The following ADK variants were observed in gnomAD, a reference collection of about 807,000 sequenced individuals.
ADK encodes adenosine kinase, also known as N6,N6-dimethyladenosine kinase.
A neutral mutation model predicts 44.7 loss-of-function variants in ADK; 24 were observed. That is an observed-to-expected ratio of 0.54 (90% CI 0.39 to 0.76). The LOEUF (loss-of-function observed/expected upper bound fraction) is 0.76, where lower values mean the gene tolerates loss of function less well. ADK is among the 30% of genes least tolerant of loss of function. The pLI, the probability that ADK is intolerant of heterozygous loss-of-function variation, is 0.00. For missense variants in ADK, 321 were observed against 425.1 expected (o/e 0.76, Z 2.15); for synonymous variants, 128 against 142.6 (o/e 0.90, Z 0.73).
At chr10:74,571,324 C>G (rs922708078) in intron 7 of ADK, among the ~76,000 whole-genome samples, 7 of 152,074 alleles carry the variant, frequency 4.6e-5, no homozygotes, top group Non-Finnish European at 1.0e-4. Context: ...GGGAGGATTC[C>G]CTCTTTTTCT....
chr10:74,590,200 C>A (rs976316069), intron 8 of ADK, among the ~76,000 whole-genome samples: 31 of 152,068 alleles, frequency 2.0e-4, no homozygotes, highest in African/African-American at 7.0e-4. Flanking sequence ...CTTACAGCAA[C>A]TTAAAGTGTT....
intron 6 of ADK, among the ~76,000 whole-genome samples, chr10:74,481,151 CT>C (rs1847058084): frequency 1.3e-5 from 2 of 152,140 alleles, no homozygotes; most frequent in Non-Finnish European, 2.9e-5. Flanking sequence ...TTACTTTGTC[CT>C]AGTAATGTTG....
intron 6 of ADK, among the ~76,000 whole-genome samples, chr10:74,438,070 T>A (rs1845246951): frequency 1.3e-5 from 2 of 152,146 alleles, no homozygotes; most frequent in Non-Finnish European, 2.9e-5. Context: ...CTTTCCCTGT[T>A]CCTCCATGAG....
At chr10:74,492,184 A>C (rs1847515212) in intron 6 of ADK, among the ~76,000 whole-genome samples, 1 of 152,198 alleles carries the variant, frequency 6.6e-6, no homozygotes, top group Non-Finnish European at 1.5e-5. Flanking sequence ...CAAAACAGGA[A>C]ATTAACATGG....
At chr10:74,572,254 C>T (rs1205747883) in intron 7 of ADK, among the ~76,000 whole-genome samples, 1 of 152,172 alleles carries the variant, frequency 6.6e-6, no homozygotes, top group Non-Finnish European at 1.5e-5. Flanking sequence ...ATTTCTCCTT[C>T]ACTTATGAAG....
intron 6 of ADK, among the ~76,000 whole-genome samples, chr10:74,491,199 A>G (rs979939103): frequency 3.3e-5 from 5 of 152,146 alleles, no homozygotes; most frequent in Non-Finnish European, 5.9e-5. Context: ...TAGGTGGAAG[A>G]TACTCAGTGA....
chr10:74,256,216 G>A lies in ADK; in HGVS notation c.194+31625G>A, dbSNP rs570772868. The stretch of plus-strand genomic sequence containing the variant: ...TTGTAAATTTTATTGAGTATTCAGA[G>A]TTGACAGAAAGGCAGTCAGGGATCA... On this transcript the variant is annotated intron_variant, in intron 3 of 10. Coordinates refer to ENST00000539909, the MANE Select transcript of ADK (RefSeq NM_006721.4). 5.8e-4 allele frequency among the ~76,000 whole-genome samples: 88 copies of A among 152,340 alleles called. No individual in the cohort carries two copies. In the Middle Eastern group the frequency reaches 0.017, roughly 29 times the overall value.
At chr10:74,668,022 GATTA>G (rs1216525958) in intron 9 of ADK, among the ~76,000 whole-genome samples, 3 of 152,074 alleles carry the variant, frequency 2.0e-5, no homozygotes, top group Non-Finnish European at 4.4e-5. Context: ...TAAGTCTAGT[GATTA>G]ATTCTTATAT....
chr10:74,227,651 C>A (rs887682338), intron 3 of ADK, among the ~76,000 whole-genome samples: 2 of 152,146 alleles, frequency 1.3e-5, no homozygotes. Context: ...CAAGACCAGC[C>A]TGGCCAAGAT....
intron 6 of ADK, among the ~76,000 whole-genome samples, chr10:74,476,586 T>C (rs993565038): frequency 6.6e-6 from 1 of 152,202 alleles, no homozygotes; most frequent in Admixed American, 6.5e-5. Context: ...TTTAGCACTA[T>C]AGTATGTAAA....
intron 9 of ADK, among the ~76,000 whole-genome samples, chr10:74,628,313 C>T (rs1461427968): frequency 6.6e-6 from 1 of 151,986 alleles, no homozygotes; most frequent in African/African-American, 2.4e-5. Context: ...TGAGTCATGC[C>T]AGTCACGATT....
chr10:74,703,873 AAG>A lies in ADK; in HGVS notation c.965-4445_965-4444del, dbSNP rs200911744. 4.7e-3 allele frequency among the ~76,000 whole-genome samples: 715 copies of A among 152,330 alleles called. 4 individuals are homozygous for A. Among genetic ancestry groups the A allele is most frequent in the African/African-American group, 0.017 (687 of 41,582 alleles). On this transcript the variant is annotated intron_variant, in intron 10 of 10. Transcript: ENST00000539909. ...AGGGAAATAAAATTGTATGCAGAGA[AAG>A]AGTACATGCAAATGGTGCAAAATGT...
intron 6 of ADK, among the ~76,000 whole-genome samples, chr10:74,426,030 TAGAGA>T (rs1309187297): frequency 6.6e-6 from 1 of 152,024 alleles, no homozygotes; most frequent in South Asian, 2.1e-4. Flanking sequence ...TTTTGAGAAA[TAGAGA>T]AAAGTACAGA....
Position 74,296,927 on chromosome 10 carries a change from T to C in ADK, c.195-17740T>C, listed in dbSNP as rs371510561. Reference sequence around the variant, plus strand: ...TCGCGCCCGGCCCTTAAGTATTCTTTAATTCACGAACTATGTGTATAAAGA... The same window carrying C: ...TCGCGCCCGGCCCTTAAGTATTCTTCAATTCACGAACTATGTGTATAAAGA... On this transcript the variant is annotated intron_variant, in intron 3 of 10. Coordinates refer to ENST00000539909, the MANE Select transcript of ADK (RefSeq NM_006721.4). 3.3e-5 allele frequency among the ~76,000 whole-genome samples: 5 copies of C among 152,246 alleles called. No homozygotes were observed. The South Asian group carries it at 6.2e-4, about 19-fold the overall frequency.
chr10:74,246,873 GA>G (rs1564615889), intron 3 of ADK, among the ~76,000 whole-genome samples: 1 of 151,920 alleles, frequency 6.6e-6, no homozygotes, highest in Non-Finnish European at 1.5e-5. Context: ...TTGTCACTAA[GA>G]TGTTTTTTAG....
intron 6 of ADK, among the ~76,000 whole-genome samples, chr10:74,524,532 A>C (rs1848964502): frequency 6.6e-6 from 1 of 152,162 alleles, no homozygotes; most frequent in Non-Finnish European, 1.5e-5. Context: ...AGCTGGGACC[A>C]CAGGCACACA....
chr10:74,577,108 C>CTTTGTG (rs1194977442), intron 7 of ADK, among the ~76,000 whole-genome samples: 1 of 93,166 alleles, frequency 1.1e-5, no homozygotes, highest in Non-Finnish European at 2.3e-5. Flanking sequence ...TGTATTATTT[C>CTTTGTG]TCTGTGTGTG....
intron 1 of ADK, among the ~76,000 whole-genome samples, chr10:74,176,003 A>T (rs1041416245): frequency 6.6e-6 from 1 of 151,704 alleles, no homozygotes; most frequent in Non-Finnish European, 1.5e-5. Context: ...TATAGCCCGC[A>T]TGCTTCTTTG....
At chr10:74,294,465 C>T (rs191166625) in intron 3 of ADK, among the ~76,000 whole-genome samples, 8 of 152,024 alleles carry the variant, frequency 5.3e-5, no homozygotes, top group Admixed American at 1.3e-4. Context: ...TTTTGTATTT[C>T]TGGTAGAAAT....
Sources: allele counts gnomAD v4.1 joint callset (sites outside exome capture counted in the v4.1 genomes callset), GRCh38; gene constraint gnomAD v4.1.1; transcripts MANE v1.5; gene names NCBI Gene and HGNC (gene_info 2026-07-23, HGNC 2026-07-21).